The following KLHL4 variants were observed in gnomAD, a reference collection of about 807,000 sequenced individuals.
The protein encoded by KLHL4 is kelch like family member 4.
In KLHL4, 17 loss-of-function variants were observed where a neutral mutation model predicts 45.8. That is an observed-to-expected ratio of 0.37 (90% confidence interval 0.25 to 0.56). The LOEUF (loss-of-function observed/expected upper bound fraction) is 0.56. KLHL4 is among the 20% of genes least tolerant of loss of function. The probability of loss-of-function intolerance (pLI) is 0.79; values close to 1 mark genes in which losing one functional copy is unlikely to be tolerated. For synonymous variants in KLHL4, 224 were observed against 189.9 expected (o/e 1.18, Z -1.47); for missense variants, 544 against 544.9 (o/e 1.00, Z 0.02).
chrX:87,650,939 G>A (rs1239825008), intron 9 of KLHL4, among the ~76,000 whole-genome samples: 2 of 111,356 alleles, frequency 1.8e-5, no homozygotes, highest in South Asian at 3.8e-4. Flanking sequence ...ATCATGAGAC[G>A]TATTCACTAG....
intron 1 of KLHL4, among the ~76,000 whole-genome samples, chrX:87,592,777 G>T (rs922815441): frequency 2.7e-5 from 3 of 111,900 alleles, no homozygotes; most frequent in African/African-American, 9.7e-5. Flanking sequence ...TTTATTTCCT[G>T]TTGAATTGTT....
Position 87,518,220 on chromosome X carries a change from A to G in KLHL4, c.327A>G (p.Ser109=), listed in dbSNP as rs750905652. Residue 109 remains serine, a synonymous_variant, in exon 1 of 11, where the codon TCA becomes TCG. Transcript: ENST00000373119. ...AAGCAAATGAAGATACTCCTAAATCAGTTCCAGAGAAGAATTTATTCAAAG... is the reference window on the plus strand; with the variant it reads ...AAGCAAATGAAGATACTCCTAAATCGGTTCCAGAGAAGAATTTATTCAAAG... ...HFQANEDTPK[S]VPEKNLFKEA... 4 of 1,211,188 alleles carry G rather than the reference A, an allele frequency of 3.3e-6. No individual in the cohort carries two copies. Among genetic ancestry groups the G allele is most frequent in the Non-Finnish European group, 4.5e-6 (4 of 894,785 alleles).
At chrX:87,589,706 G>A (rs956131077) in intron 1 of KLHL4, among the ~76,000 whole-genome samples, 8 of 111,017 alleles carry the variant, frequency 7.2e-5, no homozygotes, top group African/African-American at 2.6e-4. Flanking sequence ...TGGTTAATGA[G>A]TACAAAAAAA....
At chrX:87,628,105 A>G (rs1216329606) in intron 6 of KLHL4, among the ~76,000 whole-genome samples, 1 of 111,928 alleles carries the variant, frequency 8.9e-6, no homozygotes, top group Non-Finnish European at 1.9e-5. Flanking sequence ...GACCATTAAA[A>G]GAATAGTAAA....
intron 1 of KLHL4, among the ~76,000 whole-genome samples, chrX:87,530,918 C>A (rs1344285156): frequency 9.0e-6 from 1 of 110,707 alleles, no homozygotes; most frequent in East Asian, 2.8e-4. Context: ...TTCTCCACAT[C>A]CTCTCCAGCA....
chrX:87,666,414 AT>A, intron 10 of KLHL4, 60 bp from the exon 11 acceptor site: 1 of 1,070,424 alleles, frequency 9.3e-7, no homozygotes. Flanking sequence ...TGAATATAAT[AT>A]TTTATATTAT....
intron 1 of KLHL4, among the ~76,000 whole-genome samples, chrX:87,592,373 A>C (rs1209116944): frequency 9.0e-6 from 1 of 111,429 alleles, no homozygotes; most frequent in Non-Finnish European, 1.9e-5. Flanking sequence ...TTGAGTGTAT[A>C]CCTAGAAGTA....
chrX:87,564,629 A>G (rs1451360548), intron 1 of KLHL4, among the ~76,000 whole-genome samples: 1 of 112,037 alleles, frequency 8.9e-6, no homozygotes, highest in Non-Finnish European at 1.9e-5. Context: ...TAAACCATCA[A>G]AAAGCATACA....
chrX:87,639,989 A>G (rs778371414), intron 9 of KLHL4, among the ~76,000 whole-genome samples: 14 of 111,783 alleles, frequency 1.3e-4, no homozygotes, highest in Admixed American at 8.6e-4. Flanking sequence ...AATAAGCCCA[A>G]TTAGAAATGA....
chrX:87,561,004 A>G (rs4828475), intron 1 of KLHL4, among the ~76,000 whole-genome samples: 27,654 of 110,557 alleles, frequency 0.25, 2,950 homozygotes, highest in East Asian at 0.51. Context: ...ATAAAATCAA[A>G]ATGGATTAAA....
intron 9 of KLHL4, among the ~76,000 whole-genome samples, chrX:87,655,012 A>G (rs980925905): frequency 8.9e-6 from 1 of 111,740 alleles, no homozygotes; most frequent in Middle Eastern, 4.7e-3. Context: ...TCTCATTATG[A>G]CTGAGATGTT....
chrX:87,643,012 A>G (rs931285475), intron 9 of KLHL4, among the ~76,000 whole-genome samples: 1 of 111,820 alleles, frequency 8.9e-6, no homozygotes, highest in East Asian at 2.8e-4. Context: ...TGGTCTTGCT[A>G]GAGACCTAGA....
intron 9 of KLHL4, among the ~76,000 whole-genome samples, chrX:87,662,791 G>T (rs769661333): frequency 9.1e-6 from 1 of 109,502 alleles, no homozygotes; most frequent in Non-Finnish European, 1.9e-5. Context: ...TTAGCCGGTC[G>T]TGGTGGCGGG....
chrX:87,589,667 TGGTGGGAAGGTG>T lies in KLHL4; in HGVS notation c.423-24199_423-24188del, dbSNP rs748263173. The stretch of plus-strand genomic sequence containing the variant: ...GATGGTTATTAGAGACTGCCAAGAG[TGGTGGGAAGGTG>T]GGTGGGAAGGGAGGAATGGTTAATG... On this transcript the variant is annotated intron_variant, in intron 1 of 10. Transcript: ENST00000373119. Among the ~76,000 whole-genome samples, 3 of 108,696 alleles carry T rather than the reference TGGTGGGAAGGTG, an allele frequency of 2.8e-5. No individual in the cohort carries two copies. The East Asian group carries it at 8.7e-4, about 32-fold the overall frequency. The allele number at this position is 108,696 out of a possible 115,157, so 94.4% of individuals were successfully genotyped here. A position where few individuals can be genotyped will look rare whatever the true frequency, so the allele number is the denominator to read the frequency against.
At chrX:87,623,818 T>A (rs1479577016) in intron 5 of KLHL4, among the ~76,000 whole-genome samples, 2 of 111,642 alleles carry the variant, frequency 1.8e-5, no homozygotes, top group Admixed American at 1.9e-4. Context: ...TGACAGATGA[T>A]CTTTAGAATC....
At chrX:87,530,118 T>A (rs1458481219) in intron 1 of KLHL4, among the ~76,000 whole-genome samples, 2 of 110,972 alleles carry the variant, frequency 1.8e-5, no homozygotes, top group Non-Finnish European at 1.9e-5. Flanking sequence ...CAGAAGCTCT[T>A]TAGTTTAATT....
intron 1 of KLHL4, among the ~76,000 whole-genome samples, chrX:87,553,558 T>A (rs1425847412): frequency 9.0e-6 from 1 of 110,638 alleles, no homozygotes; most frequent in Non-Finnish European, 1.9e-5. Flanking sequence ...TATGAGAATA[T>A]CTTAATTCTA....
At chrX:87,659,842 A>C (rs1924127340) in intron 9 of KLHL4, among the ~76,000 whole-genome samples, 1 of 111,305 alleles carries the variant, frequency 9.0e-6, no homozygotes, top group Non-Finnish European at 1.9e-5. Context: ...CATGCATTAG[A>C]CCATCACACA....
chrX:87,540,264 A>G (rs762360627), intron 1 of KLHL4, among the ~76,000 whole-genome samples: 2 of 111,107 alleles, frequency 1.8e-5, no homozygotes, highest in East Asian at 5.7e-4. Context: ...ACACTAAGTT[A>G]ATTAAAATAT....
Sources: gnomAD v4.1 joint callset for allele counts (sites outside exome capture counted in the v4.1 genomes callset) on GRCh38, gnomAD v4.1.1 for gene constraint, MANE v1.5 for transcripts, NCBI Gene and HGNC (gene_info 2026-07-23, HGNC 2026-07-21) for gene names.